TMEM26: variants seen among roughly 807,000 people sequenced by gnomAD.
The protein encoded by TMEM26 is transmembrane protein 26.
A neutral mutation model predicts 28.8 loss-of-function variants in TMEM26; 38 were observed. The observed-to-expected ratio is 1.32, with a 90% CI of 1.02 to 1.73. The LOEUF (loss-of-function observed/expected upper bound fraction) is 1.73. TMEM26 is among the 40% of genes most tolerant of loss of function. TMEM26 has a pLI of 0.00. For synonymous variants in TMEM26, 227 were observed against 182.9 expected, an observed-to-expected ratio of 1.24 and a Z score of -1.95; for missense variants, 518 against 447.1, an observed-to-expected ratio of 1.16 and a Z score of -1.43.
chr10:61,415,846 C>G (rs1839643151), intron 4 of TMEM26, among the ~76,000 whole-genome samples: 1 of 151,976 alleles, frequency 6.6e-6, no homozygotes, highest in Admixed American at 6.6e-5. Flanking sequence ...CATTCAGAGT[C>G]ATGATCTATG....
intron 1 of TMEM26, among the ~76,000 whole-genome samples, chr10:61,442,461 A>T (rs1296585914): frequency 2.0e-5 from 3 of 152,198 alleles, no homozygotes; most frequent in African/African-American, 7.2e-5. Flanking sequence ...TTCTGATCAT[A>T]TGTATATATC....
chr10:61,423,408 C>T (rs915929468), intron 4 of TMEM26, among the ~76,000 whole-genome samples: 3 of 152,046 alleles, frequency 2.0e-5, no homozygotes, highest in Non-Finnish European at 2.9e-5. Flanking sequence ...GATCAATATG[C>T]CTCATAAGCA....
At chr10:61,447,482 G>T (rs1840203632) in intron 1 of TMEM26, among the ~76,000 whole-genome samples, 1 of 152,166 alleles carries the variant, frequency 6.6e-6, no homozygotes, top group Non-Finnish European at 1.5e-5. Flanking sequence ...GTTTGAATTT[G>T]AGATCAATTT....
At position 61,436,163 on chromosome 10, in the gene TMEM26, G is replaced by T; in HGVS notation, c.270+7C>A. On this transcript the variant is annotated splice_region_variant and intron_variant, in intron 2 of 5. Coordinates refer to ENST00000399298, the MANE Select transcript of TMEM26 (RefSeq NM_178505.8). Reference sequence around the variant, plus strand: ...TAGGTCAATTCCTACTTTCCAAAAAGAAGTACCTGGGTCTCATGGTGCAAT... The same window carrying T: ...TAGGTCAATTCCTACTTTCCAAAAATAAGTACCTGGGTCTCATGGTGCAAT... The T allele has an allele frequency of 2.5e-6, 4 of 1,577,520 alleles. No individual in the cohort carries two copies. The South Asian group carries it at 3.4e-5, about 13-fold the overall frequency.
chr10:61,432,088 C>T (rs904292766), intron 2 of TMEM26, among the ~76,000 whole-genome samples: 1 of 151,832 alleles, frequency 6.6e-6, no homozygotes, highest in African/African-American at 2.4e-5. Context: ...GTGTAGTATT[C>T]CACAGTGTGT....
At chr10:61,428,218 T>C (rs1839863103) in intron 4 of TMEM26, among the ~76,000 whole-genome samples, 1 of 152,074 alleles carries the variant, frequency 6.6e-6, no homozygotes, top group Non-Finnish European at 1.5e-5. Flanking sequence ...AAGCTTAAAG[T>C]ATATTCAGGC....
At chr10:61,431,574 C>T (rs1839923946) in intron 2 of TMEM26, among the ~76,000 whole-genome samples, 1 of 152,044 alleles carries the variant, frequency 6.6e-6, no homozygotes, top group Non-Finnish European at 1.5e-5. Context: ...GATGCAAATG[C>T]TCTGAGTCAT....
At chr10:61,431,169 C>T in intron 3 of TMEM26, 50 bp downstream of exon 3, 2 of 1,466,722 alleles carry the variant, frequency 1.4e-6, no homozygotes, top group Non-Finnish European at 1.9e-6. Context: ...AGGATTATAC[C>T]AAGTCCACCA....
chr10:61,429,202 A>G, intron 3 of TMEM26, 56 bp from the exon 4 acceptor site: 1 of 1,441,724 alleles, frequency 6.9e-7, no homozygotes, highest in Non-Finnish European at 9.7e-7. Flanking sequence ...TGAGAGAGAA[A>G]TATTTTCCTC....
chr10:61,448,437 A>G (rs1429125111), intron 1 of TMEM26, among the ~76,000 whole-genome samples: 1 of 152,258 alleles, frequency 6.6e-6, no homozygotes, highest in Non-Finnish European at 1.5e-5. Context: ...GAGAAAACAG[A>G]GAAACAATAT....
chr10:61,429,485 A>G (rs943285928), intron 3 of TMEM26, among the ~76,000 whole-genome samples: 1 of 152,030 alleles, frequency 6.6e-6, no homozygotes, highest in Non-Finnish European at 1.5e-5. Flanking sequence ...AACACATAGC[A>G]AAGTTTTATA....
chr10:61,452,002 TA>T (rs1840291538), intron 1 of TMEM26, among the ~76,000 whole-genome samples: 1 of 151,784 alleles, frequency 6.6e-6, no homozygotes, highest in Admixed American at 6.6e-5. Context: ...TATATATATA[TA>T]TATGAAAACA....
chr10:61,419,756 G>A (rs956566857), intron 4 of TMEM26, among the ~76,000 whole-genome samples: 12 of 151,932 alleles, frequency 7.9e-5, no homozygotes, highest in African/African-American at 2.7e-4. Flanking sequence ...AGAAAAGAGA[G>A]GAGAAAATAT....
At chr10:61,446,768 G>A (rs61850631) in intron 1 of TMEM26, among the ~76,000 whole-genome samples, 1 of 126,944 alleles carries the variant, frequency 7.9e-6, no homozygotes, top group African/African-American at 3.0e-5. Context: ...ACAGTGAGCC[G>A]AGATCGCGCC....
intron 4 of TMEM26, 72 bp from the exon 5 acceptor site, chr10:61,413,607 G>A: frequency 6.8e-7 from 1 of 1,480,428 alleles, no homozygotes; most frequent in Non-Finnish European, 9.0e-7. Context: ...TCTCAGTCAA[G>A]TTTTTTAGTA....
chr10:61,424,555 T>C (rs1487112899), intron 4 of TMEM26, among the ~76,000 whole-genome samples: 1 of 152,134 alleles, frequency 6.6e-6, no homozygotes, highest in East Asian at 1.9e-4. Flanking sequence ...TTTTTACCCT[T>C]TTTTACAACT....
chr10:61,422,659 A>G (rs1211929875), intron 4 of TMEM26, among the ~76,000 whole-genome samples: 4 of 152,162 alleles, frequency 2.6e-5, no homozygotes, highest in Non-Finnish European at 1.5e-5. Context: ...CAGTGCTTAC[A>G]GGAAAATTCA....
chr10:61,448,581 C>T (rs566537605), intron 1 of TMEM26, among the ~76,000 whole-genome samples: 2 of 150,604 alleles, frequency 1.3e-5, no homozygotes, highest in African/African-American at 4.9e-5. Context: ...AAAATGCTAC[C>T]TTTTAAAATG....
chr10:61,439,151 G>T (rs898358281), intron 1 of TMEM26, among the ~76,000 whole-genome samples: 1 of 152,174 alleles, frequency 6.6e-6, no homozygotes, highest in African/African-American at 2.4e-5. Context: ...TCTCTTGCAC[G>T]TCTATCCACC....
Sources: gnomAD v4.1 joint callset for allele counts (sites outside exome capture counted in the v4.1 genomes callset) on GRCh38, gnomAD v4.1.1 for gene constraint, MANE v1.5 for transcripts, NCBI Gene and HGNC (gene_info 2026-07-23, HGNC 2026-07-21) for gene names.